TAFA4: variants seen among roughly 807,000 people sequenced by gnomAD.
TAFA4 encodes chemokine-like protein TAFA-4.
Under a neutral mutation model 21.1 loss-of-function variants are expected in TAFA4, and 20 were observed. The ratio of observed to expected loss-of-function variants is 0.95; its 90% CI spans 0.67 to 1.38. The LOEUF (loss-of-function observed/expected upper bound fraction) is 1.38. Ranked by LOEUF, TAFA4 falls within the 40% of genes most tolerant of loss-of-function variation. The pLI is 0.00. For synonymous variants in TAFA4, 71 were observed against 67.4 expected, an observed-to-expected ratio of 1.05 and a Z score of -0.26; for missense variants, 211 against 180.9, an observed-to-expected ratio of 1.17 and a Z score of -0.95.
intron 3 of TAFA4, among the ~76,000 whole-genome samples, chr3:68,772,147 T>C (rs1431020938): frequency 6.6e-6 from 1 of 152,176 alleles, no homozygotes; most frequent in East Asian, 1.9e-4. Flanking sequence ...CAAGACCATA[T>C]GGAATTCAGA....
At chr3:68,858,705 G>A (rs1258388438) in intron 3 of TAFA4, among the ~76,000 whole-genome samples, 2 of 151,844 alleles carry the variant, frequency 1.3e-5, no homozygotes, top group Non-Finnish European at 2.9e-5. Flanking sequence ...GGAAACTAGT[G>A]TTCAGAGAGG....
At chr3:68,870,139 A>T (rs2089466214) in intron 3 of TAFA4, among the ~76,000 whole-genome samples, 1 of 152,104 alleles carries the variant, frequency 6.6e-6, no homozygotes, top group South Asian at 2.1e-4. Context: ...AATAAATTAA[A>T]CCAGAGATGC....
chr3:68,876,308 C>T lies in TAFA4; in HGVS notation c.130+4422G>A, dbSNP rs576396146. 1.2e-4 allele frequency among the ~76,000 whole-genome samples: 18 copies of T among 152,276 alleles called. No individual in the cohort carries two copies. In the South Asian group the frequency reaches 3.7e-3, roughly 32 times the overall value. On this transcript the variant is annotated intron_variant, in intron 3 of 5. Transcript: ENST00000295569. ...TTAGCTATGATAAGCCTTGCCTACC[C>T]CCTAGTGTCAGAACTTAGGCAATGC...
chr3:68,844,381 T>A (rs1195716362), intron 3 of TAFA4, among the ~76,000 whole-genome samples: 1 of 152,192 alleles, frequency 6.6e-6, no homozygotes, highest in Admixed American at 6.5e-5. Context: ...TATCACTTTT[T>A]ATTGTGTCTA....
intron 1 of TAFA4, among the ~76,000 whole-genome samples, chr3:68,925,081 C>A (rs1156586862): frequency 6.6e-6 from 1 of 152,162 alleles, no homozygotes; most frequent in Non-Finnish European, 1.5e-5. Flanking sequence ...TCTAAGCAGA[C>A]CTAGACAAAG....
intron 5 of TAFA4, among the ~76,000 whole-genome samples, chr3:68,737,854 A>G (rs374354884): frequency 3.9e-5 from 6 of 152,182 alleles, no homozygotes; most frequent in Admixed American, 6.6e-5. Context: ...TCAAAGCTCA[A>G]TAGCAATGAG....
intron 4 of TAFA4, among the ~76,000 whole-genome samples, chr3:68,740,992 C>A (rs1468377391): frequency 6.6e-6 from 1 of 152,170 alleles, no homozygotes; most frequent in African/African-American, 2.4e-5. Context: ...CTATTCTGTT[C>A]CATGGGTCTA....
intron 3 of TAFA4, among the ~76,000 whole-genome samples, chr3:68,763,120 T>A (rs1484802582): frequency 6.6e-6 from 1 of 152,186 alleles, no homozygotes; most frequent in African/African-American, 2.4e-5. Context: ...TTTGGCAGAT[T>A]TAGGTCAACA....
chr3:68,777,436 T>C (rs1575604448), intron 3 of TAFA4, among the ~76,000 whole-genome samples: 1 of 152,096 alleles, frequency 6.6e-6, no homozygotes, highest in Non-Finnish European at 1.5e-5. Flanking sequence ...ACACTTGAAA[T>C]GTCATTAGAT....
chr3:68,917,830 A>G (rs2090020155), intron 1 of TAFA4, among the ~76,000 whole-genome samples: 1 of 151,952 alleles, frequency 6.6e-6, no homozygotes, highest in Non-Finnish European at 1.5e-5. Context: ...GTAGAAACCT[A>G]AGCTCTGAAT....
At chr3:68,895,694 C>T (rs1177090010) in intron 1 of TAFA4, among the ~76,000 whole-genome samples, 1 of 152,056 alleles carries the variant, frequency 6.6e-6, no homozygotes. Flanking sequence ...ATTAATTCAA[C>T]AAGGATTTTT....
chr3:68,749,025 A>C (rs1253715176), intron 4 of TAFA4, among the ~76,000 whole-genome samples: 3 of 152,220 alleles, frequency 2.0e-5, no homozygotes, highest in Non-Finnish European at 4.4e-5. Context: ...AGATTCACAA[A>C]GAAGAATGCT....
intron 3 of TAFA4, among the ~76,000 whole-genome samples, chr3:68,799,753 C>CGTGTCTCCCCTAGAGCAG (rs147872340): frequency 0.42 from 63,866 of 151,758 alleles, 13,799 homozygotes; most frequent in Non-Finnish European, 0.46. Context: ...GCAAAGAGAT[C>CGTGTCTCCCCTAGAGCAG]GTGTCTCCAA....
chr3:68,847,429 G>A lies in TAFA4; in HGVS notation c.130+33301C>T, dbSNP rs111359785. Among the ~76,000 whole-genome samples, 947 of 152,362 alleles carry A rather than the reference G, an allele frequency of 6.2e-3. 8 individuals are homozygous for A. Among genetic ancestry groups the A allele is most frequent in the African/African-American group, 0.021 (888 of 41,584 alleles). On this transcript the variant is annotated intron_variant, in intron 3 of 5. Coordinates refer to ENST00000295569, the MANE Select transcript of TAFA4 (RefSeq NM_182522.5). Reference sequence around the variant, plus strand: ...GCTGTGCTGGCAGCAAGAATTTCAAGCCAGTGGATTTTAGCTTGCTGGGCT... The same window carrying A: ...GCTGTGCTGGCAGCAAGAATTTCAAACCAGTGGATTTTAGCTTGCTGGGCT...
intron 3 of TAFA4, among the ~76,000 whole-genome samples, chr3:68,842,305 G>T (rs1704683128): frequency 1.3e-5 from 2 of 152,194 alleles, no homozygotes; most frequent in African/African-American, 4.8e-5. Context: ...CAGTAATGAT[G>T]AGCTTTTTTT....
chr3:68,900,280 T>TAATAAC (rs1301271109), intron 1 of TAFA4, among the ~76,000 whole-genome samples: 3 of 36,150 alleles, frequency 8.3e-5, no homozygotes, highest in Non-Finnish European at 1.2e-4. Context: ...ATAATAATAA[T>TAATAAC]AACAATAATA....
At chr3:68,836,053 T>A (rs1048474986) in intron 3 of TAFA4, among the ~76,000 whole-genome samples, 1 of 152,210 alleles carries the variant, frequency 6.6e-6, no homozygotes, top group African/African-American at 2.4e-5. Context: ...GATCTGTGGA[T>A]TTCAGTTTTT....
At chr3:68,785,784 AGAGTGAGCG>A (rs1482542419) in intron 3 of TAFA4, among the ~76,000 whole-genome samples, 52 of 149,848 alleles carry the variant, frequency 3.5e-4, no homozygotes, top group African/African-American at 1.3e-3. Context: ...GGAGGTGCCG[AGAGTGAGCG>A]AGAGTGAGCG....
intron 1 of TAFA4, among the ~76,000 whole-genome samples, chr3:68,889,283 A>G (rs948900067): frequency 1.3e-5 from 2 of 152,228 alleles, no homozygotes; most frequent in African/African-American, 4.8e-5. Flanking sequence ...AAGAGCAGAA[A>G]GCCTATTTAT....
Sources: gnomAD v4.1 joint callset for allele counts (sites outside exome capture counted in the v4.1 genomes callset) on GRCh38, gnomAD v4.1.1 for gene constraint, MANE v1.5 for transcripts, NCBI Gene and HGNC (gene_info 2026-07-23, HGNC 2026-07-21) for gene names.